The following TBCE variants were observed in gnomAD, a reference collection of about 807,000 sequenced individuals.
TBCE encodes tubulin-specific chaperone E.
Under a neutral mutation model 77.0 loss-of-function variants are expected in TBCE, and 53 were observed. The observed-to-expected ratio is 0.69, with a 90% CI of 0.55 to 0.87. The LOEUF is 0.87. Among genes scored for constraint, TBCE ranks in the 40% least tolerant of loss-of-function variants. The probability of loss-of-function intolerance (pLI) is 0.00; values close to 1 mark genes in which losing one functional copy is unlikely to be tolerated. For synonymous variants in TBCE, 235 were observed against 241.3 expected (o/e 0.97, Z 0.24); for missense variants, 624 against 622.4 (o/e 1.00, Z -0.03).
At chr1:235,435,667 T>C in intron 8 of TBCE, 78 bp from the exon 9 acceptor site, 2 of 1,394,610 alleles carry the variant, frequency 1.4e-6, no homozygotes, top group Non-Finnish European at 1.0e-6. Flanking sequence ...TCGCACCAAA[T>C]GCAGGGATTT....
At chr1:235,387,280 T>C (rs1369222845) in intron 2 of TBCE, among the ~76,000 whole-genome samples, 1 of 152,176 alleles carries the variant, frequency 6.6e-6, no homozygotes, top group Non-Finnish European at 1.5e-5. Flanking sequence ...AGTCTGCCTG[T>C]TCTCAGATCT....
rs1159362853 is a variant in TBCE, at chr1:235,450,116, G to A, written c.*1354G>A. On this transcript the variant is annotated 3_prime_UTR_variant, in exon 17 of 17. Coordinates refer to ENST00000642610, the MANE Select transcript of TBCE (RefSeq NM_003193.5). ...TGGAACTCTCTTGAAAGACCATACA[G>A]TCTACTGCTAAACCCTGGGACTCCT... The A allele has an allele frequency of 3.4e-6, 5 of 1,488,568 alleles. No homozygotes were observed. In the East Asian group the frequency reaches 1.1e-4, roughly 34 times the overall value. The allele number at this position is 1,488,568 out of a possible 1,614,324, so 92.2% of individuals were successfully genotyped here.
At chr1:235,387,725 GGGAA>G (rs1678114859) in intron 2 of TBCE, among the ~76,000 whole-genome samples, 1 of 152,146 alleles carries the variant, frequency 6.6e-6, no homozygotes, top group Non-Finnish European at 1.5e-5. Context: ...GACTAGCAAA[GGGAA>G]CTCCCTGACC....
chr1:235,432,588 T>A (rs1465042831), intron 7 of TBCE, among the ~76,000 whole-genome samples: 2 of 152,108 alleles, frequency 1.3e-5, no homozygotes, highest in African/African-American at 4.8e-5. Context: ...GAGGCTGCAG[T>A]GAGCTAGGAT....
At chr1:235,412,038 T>C (rs1429284679) in intron 3 of TBCE, among the ~76,000 whole-genome samples, 1 of 142,642 alleles carries the variant, frequency 7.0e-6, no homozygotes, top group East Asian at 2.0e-4. Context: ...GGTTTTAGCA[T>C]TGGACATGGT....
intron 13 of TBCE, among the ~76,000 whole-genome samples, chr1:235,440,072 G>A (rs370137486): frequency 3.3e-5 from 5 of 151,984 alleles, no homozygotes; most frequent in Admixed American, 6.5e-5. Flanking sequence ...CCGGGTTCAC[G>A]CCATTCTCCT....
Position 235,380,150 on chromosome 1 carries a change from G to A in TBCE, c.100+1G>A, listed in dbSNP as rs200356271. On this transcript the variant is annotated splice_donor_variant, in intron 2 of 16. Transcript: ENST00000642610. LOFTEE classifies it high-confidence loss of function. The stretch of plus-strand genomic sequence containing the variant: ...GCTGGTGTTGTCCCTCCCGTGGCAG[G>A]TAAGCAATTATTGTGTGTGTGTGTG... The A allele has an allele frequency of 6.9e-5, 109 of 1,590,918 alleles. No homozygotes were observed. Among genetic ancestry groups the A allele is most frequent in the Non-Finnish European group, 8.9e-5 (104 of 1,163,452 alleles).
At chr1:235,386,467 G>A (rs1678011379) in intron 2 of TBCE, among the ~76,000 whole-genome samples, 1 of 152,210 alleles carries the variant, frequency 6.6e-6, no homozygotes, top group African/African-American at 2.4e-5. Flanking sequence ...TTTTCACATA[G>A]TCCCATATTT....
In TBCE at chr1:235,450,084, G is replaced by A; in HGVS notation, c.*1322G>A. ...CACCGCATTGGTTCTGGGTGAAAGT[G>A]CCAGTCTGGAACTCTCTTGAAAGAC... On this transcript the variant is annotated 3_prime_UTR_variant, in exon 17 of 17. Transcript: ENST00000642610. 1 of 1,195,028 alleles carries A rather than the reference G, an allele frequency of 8.4e-7. No homozygotes were observed. Among genetic ancestry groups the A allele is most frequent in the Non-Finnish European group, 1.2e-6 (1 of 845,234 alleles). The allele number at this position is 1,195,028 out of a possible 1,614,324, so 74.0% of individuals were successfully genotyped here.
Position 235,430,821 on chromosome 1 carries a change from G to A in TBCE, c.660+17G>A. The A allele has an allele frequency of 6.3e-7, 1 of 1,590,814 alleles. No homozygotes were observed. Among genetic ancestry groups the A allele is most frequent in the Non-Finnish European group, 8.6e-7 (1 of 1,159,552 alleles). On this transcript the variant is annotated intron_variant, in intron 7 of 16. Coordinates refer to ENST00000642610, the MANE Select transcript of TBCE (RefSeq NM_003193.5). Reference sequence around the variant, plus strand: ...TGGGCTGAGGTAATCATATTTCTTTGTTTTATTACACATTAATAAGCAATT... The same window carrying A: ...TGGGCTGAGGTAATCATATTTCTTTATTTTATTACACATTAATAAGCAATT...
Position 235,419,464 on chromosome 1 carries a change from T to A in TBCE, c.372-9T>A. 1 of 1,614,196 alleles carries A rather than the reference T, an allele frequency of 6.2e-7. No individual in the cohort carries two copies. The highest frequency in any genetic ancestry group is 8.5e-7 in the Non-Finnish European group (1 of 1,180,038). Reference sequence around the variant, plus strand: ...TTATGTATCCATGTGAACTCTGTTTTTCATGCAGTCAGCTGAGCAAGTTGC... The same window carrying A: ...TTATGTATCCATGTGAACTCTGTTTATCATGCAGTCAGCTGAGCAAGTTGC... On this transcript the variant is annotated splice_polypyrimidine_tract_variant and intron_variant, in intron 4 of 16. Transcript: ENST00000642610.
intron 1 of TBCE, among the ~76,000 whole-genome samples, chr1:235,371,083 G>A: frequency 9.7e-6 from 1 of 102,824 alleles, no homozygotes; most frequent in African/African-American, 3.9e-5. Flanking sequence ...GAGACAGAGT[G>A]GTTGCTCTTG....
At chr1:235,442,515 T>A (rs1254840875) in intron 14 of TBCE, among the ~76,000 whole-genome samples, 1 of 152,270 alleles carries the variant, frequency 6.6e-6, no homozygotes, top group Non-Finnish European at 1.5e-5. Context: ...TATACATTTT[T>A]GTAACTCCTA....
At chr1:235,442,714 A>C in intron 14 of TBCE, 138 bp from the exon 15 acceptor site, 5 of 759,566 alleles carry the variant, frequency 6.6e-6, no homozygotes, top group Non-Finnish European at 1.1e-5. Flanking sequence ...GATTAATAGA[A>C]AGAATTTTAA....
intron 2 of TBCE, among the ~76,000 whole-genome samples, chr1:235,393,782 A>AATAG (rs1206723976): frequency 6.6e-6 from 1 of 152,148 alleles, no homozygotes; most frequent in African/African-American, 2.4e-5. Context: ...CTACAGAGCA[A>AATAG]ATAGATATAT....
At chr1:235,381,325 A>G (rs1343609107) in intron 2 of TBCE, among the ~76,000 whole-genome samples, 1 of 152,130 alleles carries the variant, frequency 6.6e-6, no homozygotes, top group East Asian at 1.9e-4. Flanking sequence ...CAAATGCCCC[A>G]TAGTTCTTGA....
intron 2 of TBCE, among the ~76,000 whole-genome samples, chr1:235,390,453 A>G (rs1678308239): frequency 1.3e-5 from 2 of 152,040 alleles, no homozygotes; most frequent in South Asian, 2.1e-4. Flanking sequence ...CACAAGAATC[A>G]TTAGAAGTAG....
chr1:235,444,683 G>A (rs1362026312), intron 15 of TBCE, among the ~76,000 whole-genome samples: 2 of 152,202 alleles, frequency 1.3e-5, no homozygotes, highest in Non-Finnish European at 2.9e-5. Context: ...GGGGTTATAG[G>A]TGTGAGCCAC....
At position 235,400,946 on chromosome 1, in the gene TBCE, C is replaced by T. The variant is rs932063271; in HGVS notation, c.101-557C>T. ...CTCGAATTCCTGACCTCAGGTGATC[C>T]GCCCACTTTGGCCTTGCAAAGTGCT... On this transcript the variant is annotated intron_variant, in intron 2 of 16. Transcript: ENST00000642610. Among the ~76,000 whole-genome samples, 9 of 151,580 alleles carry T rather than the reference C, an allele frequency of 5.9e-5. No homozygotes were observed. The East Asian group carries it at 7.7e-4, about 13-fold the overall frequency.
Sources: gnomAD v4.1 joint callset for allele counts (sites outside exome capture counted in the v4.1 genomes callset) on GRCh38, gnomAD v4.1.1 for gene constraint, MANE v1.5 for transcripts, NCBI Gene and HGNC (gene_info 2026-07-23, HGNC 2026-07-21) for gene names.